OR10A4: variants seen among roughly 807,000 people sequenced by gnomAD.
OR10A4 encodes olfactory receptor 10A4.
In OR10A4, 18 loss-of-function variants were observed where a neutral mutation model predicts 15.4. That is an observed-to-expected ratio of 1.17 (90% CI 0.81 to 1.74). The LOEUF is 1.74. Among genes scored for constraint, OR10A4 ranks in the 40% most tolerant of loss-of-function variants. OR10A4 has a pLI of 0.00. For synonymous variants in OR10A4, 161 were observed against 149.5 expected (o/e 1.08, Z -0.56); for missense variants, 455 against 372.3 (o/e 1.22, Z -1.83).
In OR10A4 at chr11:6,876,805, A is replaced by T; in HGVS notation, c.158A>T (p.Asp53Val). Residue 53 changes from aspartate (D) to valine (V), a missense_variant, in exon 1 of 1, where the codon GAC becomes GTC. By Grantham distance (152) the Asp-to-Val change is radical. Coordinates refer to ENST00000379829, the MANE Select transcript of OR10A4 (RefSeq NM_207186.2). The stretch of plus-strand genomic sequence containing the variant: ...CTCATCATCCTGGTCACTATAGCTG[A>T]CTCTGCACTACAAAGTCCTATGTAC... ...NVLIILVTIA[D>V]SALQSPMYFF... 6.2e-7 allele frequency: 1 copy of T among 1,614,036 alleles called. No individual in the cohort carries two copies. The highest frequency in any genetic ancestry group is 1.1e-5 in the South Asian group (1 of 91,082).
Position 6,877,060 on chromosome 11 carries a change from G to T in OR10A4, c.413G>T (p.Gly138Val). 1.2e-6 allele frequency: 2 copies of T among 1,614,176 alleles called. No homozygotes were observed. Among genetic ancestry groups the T allele is most frequent in the East Asian group, 4.5e-5 (2 of 44,886 alleles). ...CCCTTGCACTACCCAGTCATCATGG[G>T]CCACATATCCTGTGCCCAGCTGGCA... ...CDPLHYPVIMGHISCAQLAAA... is the reference protein window; with the variant it reads ...CDPLHYPVIMVHISCAQLAAA... The change falls in exon 1 of 1, where the codon GGC (glycine) becomes GTC (valine). Residue 138 changes from glycine to valine, a missense_variant. Transcript: ENST00000379829.
chr11:6,877,290 A>T lies in OR10A4; in HGVS notation c.643A>T (p.Ile215Phe). The T allele has an allele frequency of 6.2e-7, 1 of 1,613,988 alleles. No individual in the cohort carries two copies. Among genetic ancestry groups the T allele is most frequent in the Non-Finnish European group, 8.5e-7 (1 of 1,180,008 alleles). ...ATTCATTCTCTTTCCTTTCTTGCTG[A>T]TCCTGGGATCCTATGTCCGCATCCT... ...VLFILFPFLL[I>F]LGSYVRILST... is the part of the protein sequence containing the mutation. Residue 215 changes from isoleucine (I) to phenylalanine (F), a missense_variant, in exon 1 of 1, where the codon ATC becomes TTC. By Grantham distance (21) the Ile-to-Phe change is conservative (BLOSUM62 0). Transcript: ENST00000379829.
rs769277818 is a variant in OR10A4 at position 6,876,868 on chromosome 11, T to C, written c.221T>C (p.Phe74Ser). Reference sequence around the variant, plus strand: ...AACTTGTCCTTCCTGGAGATAGGTTTCAACTTGGTCATTGTGCCCAAGATG... The same window carrying C: ...AACTTGTCCTTCCTGGAGATAGGTTCCAACTTGGTCATTGTGCCCAAGATG... ...LRNLSFLEIG[F>S]NLVIVPKMLG... is the part of the protein sequence containing the mutation. Residue 74 changes from phenylalanine to serine, a missense_variant, in exon 1 of 1, where the codon TTC becomes TCC. By Grantham distance (155) the Phe-to-Ser change is radical. Transcript: ENST00000379829. 1.1e-5 allele frequency: 18 copies of C among 1,614,196 alleles called. No homozygotes were observed. Among genetic ancestry groups the C allele is most frequent in the Non-Finnish European group, 1.5e-5 (18 of 1,180,012 alleles).
In OR10A4 at chr11:6,876,691, TG is replaced by T; in HGVS notation, c.45del (p.Ser16AlafsTer18). 6.2e-7 allele frequency: 1 copy of T among 1,613,086 alleles called. No individual in the cohort carries two copies. The highest frequency in any genetic ancestry group is 8.5e-7 in the Non-Finnish European group (1 of 1,179,276). ...NWTIVSEFVLVSFSALSTELQ... is the reference protein window; with the variant it reads ...NWTIVSEFVLXSFSALSTELQ... The stretch of plus-strand genomic sequence containing the variant: ...ACAATTGTCAGTGAATTTGTTCTCG[TG>T]AGCTTCTCAGCCCTGTCCACTGAGC... On this transcript the variant is annotated frameshift_variant, in exon 1 of 1. Transcript: ENST00000379829. LOFTEE classifies it high-confidence loss of function.
At position 6,877,293 on chromosome 11, in the gene OR10A4, C is replaced by A; in HGVS notation, c.646C>A (p.Leu216Met). 1.2e-6 allele frequency: 2 copies of A among 1,614,178 alleles called. No individual in the cohort carries two copies. Among genetic ancestry groups the A allele is most frequent in the Non-Finnish European group, 1.7e-6 (2 of 1,180,040 alleles). The change falls in exon 1 of 1, where the codon CTG becomes ATG. Residue 216 changes from leucine to methionine, a missense_variant. Physicochemically the swap from Leu to Met is conservative, Grantham distance 15. Coordinates refer to ENST00000379829, the MANE Select transcript of OR10A4 (RefSeq NM_207186.2). ...CATTCTCTTTCCTTTCTTGCTGATC[C>A]TGGGATCCTATGTCCGCATCCTCTC... is the stretch of plus-strand genomic sequence containing the variant. ...LFILFPFLLI[L>M]GSYVRILSTI...
Position 6,876,778 on chromosome 11 carries a change from T to C in OR10A4, c.131T>C (p.Val44Ala), listed in dbSNP as rs143844367. ...TIYLVTLMGNVLIILVTIADS... is the reference protein window; with the variant it reads ...TIYLVTLMGNALIILVTIADS... ...TACTTGGTTACTTTAATGGGCAATG[T>C]CCTCATCATCCTGGTCACTATAGCT... The change falls in exon 1 of 1, where the codon GTC becomes GCC. Residue 44 changes from valine to alanine, a missense_variant. Transcript: ENST00000379829. 6.2e-7 allele frequency: 1 copy of C among 1,613,930 alleles called. No individual in the cohort carries two copies. The highest frequency in any genetic ancestry group is 8.5e-7 in the Non-Finnish European group (1 of 1,179,874).
rs1848498168 is a variant in OR10A4, at chr11:6,877,408, G to C, written c.761G>C (p.Ser254Thr). 1 of 1,613,948 alleles carries C rather than the reference G, an allele frequency of 6.2e-7. No individual in the cohort carries two copies. The highest frequency in any genetic ancestry group is 1.7e-5 in the Admixed American group (1 of 59,984). ...AHLLVVSLFY[S>T]TAILTYFRPQ... Reference sequence around the variant, plus strand: ...CTCTTGGTTGTCTCTCTCTTCTATAGCACTGCCATCCTCACGTATTTCCGA... The same window carrying C: ...CTCTTGGTTGTCTCTCTCTTCTATACCACTGCCATCCTCACGTATTTCCGA... Residue 254 changes from serine to threonine, a missense_variant, in exon 1 of 1, where the codon AGC (serine) becomes ACC (threonine). Ser to Thr is a moderately conservative substitution (Grantham distance 58). Coordinates refer to ENST00000379829, the MANE Select transcript of OR10A4 (RefSeq NM_207186.2).
In OR10A4 at chr11:6,877,066, T is replaced by C; in HGVS notation, c.419T>C (p.Ile140Thr). The C allele has an allele frequency of 6.2e-7, 1 of 1,614,222 alleles. No individual in the cohort carries two copies. The highest frequency in any genetic ancestry group is 8.5e-7 in the Non-Finnish European group (1 of 1,180,032). The part of the protein sequence containing the change: ...PLHYPVIMGH[I>T]SCAQLAAASW... ...CACTACCCAGTCATCATGGGCCACA[T>C]ATCCTGTGCCCAGCTGGCAGCTGCC... is the stretch of plus-strand genomic sequence containing the variant. The change falls in exon 1 of 1, where the codon ATA (isoleucine) becomes ACA (threonine). Residue 140 changes from isoleucine to threonine, a missense_variant. By Grantham distance (89) the Ile-to-Thr change is moderately conservative (BLOSUM62 -1). Coordinates refer to ENST00000379829, the MANE Select transcript of OR10A4 (RefSeq NM_207186.2).
Position 6,877,449 on chromosome 11 carries a change from T to C in OR10A4, c.802T>C (p.Ser268Pro), listed in dbSNP as rs1214642138. ...GTATTTCCGACCCCAATCCAGTGCC[T>C]CTTCTGAGAGCAAGAAGCTGCTGTC... Reference protein sequence around the residue: ...LTYFRPQSSASSESKKLLSLS... With the variant: ...LTYFRPQSSAPSESKKLLSLS... The change falls in exon 1 of 1, where the codon TCT (serine) becomes CCT (proline). Residue 268 changes from serine (S) to proline (P), a missense_variant. Physicochemically the swap from Ser to Pro is moderately conservative, Grantham distance 74. Coordinates refer to ENST00000379829, the MANE Select transcript of OR10A4 (RefSeq NM_207186.2). The C allele has an allele frequency of 6.2e-7, 1 of 1,613,950 alleles. No homozygotes were observed. The highest frequency in any genetic ancestry group is 1.3e-5 in the African/African-American group (1 of 74,886).
At position 6,877,113 on chromosome 11, in the gene OR10A4, G is replaced by C; in HGVS notation, c.466G>C (p.Val156Leu). ...AAASWFSGFS[V>L]ATVQTTWIFS... ...TGCCTCTTGGTTCTCAGGGTTTTCA[G>C]TGGCCACTGTGCAAACCACATGGAT... Residue 156 changes from valine to leucine, a missense_variant, in exon 1 of 1, where the codon GTG becomes CTG. Physicochemically the swap from Val to Leu is conservative, Grantham distance 32. Transcript: ENST00000379829. 6.2e-7 allele frequency: 1 copy of C among 1,614,198 alleles called. No individual in the cohort carries two copies. The highest frequency in any genetic ancestry group is 8.5e-7 in the Non-Finnish European group (1 of 1,180,042).
Position 6,876,802 on chromosome 11 carries a change from C to T in OR10A4, c.155C>T (p.Ala52Val). Residue 52 changes from alanine to valine, a missense_variant, in exon 1 of 1, where the codon GCT (alanine) becomes GTT (valine). By Grantham distance (64) the Ala-to-Val change is moderately conservative. Transcript: ENST00000379829. ...GTCCTCATCATCCTGGTCACTATAG[C>T]TGACTCTGCACTACAAAGTCCTATG... ...GNVLIILVTI[A>V]DSALQSPMYF... is the part of the protein sequence containing the mutation. 6.2e-7 allele frequency: 1 copy of T among 1,614,140 alleles called. No individual in the cohort carries two copies.
chr11:6,877,344 G>A lies in OR10A4; in HGVS notation c.697G>A (p.Glu233Lys). 6.2e-7 allele frequency: 1 copy of A among 1,614,144 alleles called. No homozygotes were observed. Among genetic ancestry groups the A allele is most frequent in the Non-Finnish European group, 8.5e-7 (1 of 1,180,020 alleles). Reference sequence around the variant, plus strand: ...CACTATCTTCAGGATGCCGTCAGCTGAGGGGAAACATCAGGCATTCTCCAC... The same window carrying A: ...CACTATCTTCAGGATGCCGTCAGCTAAGGGGAAACATCAGGCATTCTCCAC... ...LSTIFRMPSAEGKHQAFSTCS... is the reference protein window; with the variant it reads ...LSTIFRMPSAKGKHQAFSTCS... The change falls in exon 1 of 1, where the codon GAG becomes AAG. Residue 233 changes from glutamate to lysine, a missense_variant. By Grantham distance (56) the Glu-to-Lys change is moderately conservative. Transcript: ENST00000379829.
In OR10A4 at chr11:6,877,150, C is replaced by G; in HGVS notation, c.503C>G (p.Pro168Arg). 6.2e-7 allele frequency: 1 copy of G among 1,614,212 alleles called. No individual in the cohort carries two copies. Among genetic ancestry groups the G allele is most frequent in the Non-Finnish European group, 8.5e-7 (1 of 1,180,034 alleles). The change falls in exon 1 of 1, where the codon CCT becomes CGT. Residue 168 changes from proline to arginine, a missense_variant. By Grantham distance (103) the Pro-to-Arg change is moderately radical. Transcript: ENST00000379829. ...CAAACCACATGGATTTTCAGTTTCC[C>G]TTTTTGTGGCCCCAACAGGGTGAAC... ...TVQTTWIFSFPFCGPNRVNHF... is the reference protein window; with the variant it reads ...TVQTTWIFSFRFCGPNRVNHF...
rs750625521 is a variant in OR10A4 at position 6,877,545 on chromosome 11, G to C, written c.898G>C (p.Ala300Pro). The part of the protein sequence containing the change: ...IYSSRNKEVK[A>P]ALKRLIHRTL... ...CAGCTCAAGGAATAAAGAAGTGAAG[G>C]CTGCACTGAAGCGGCTTATCCACAG... is the stretch of plus-strand genomic sequence containing the variant. Residue 300 changes from alanine (A) to proline (P), a missense_variant, in exon 1 of 1, where the codon GCT becomes CCT. Ala to Pro is a conservative substitution (Grantham distance 27). Coordinates refer to ENST00000379829, the MANE Select transcript of OR10A4 (RefSeq NM_207186.2). 4 of 1,614,134 alleles carry C rather than the reference G, an allele frequency of 2.5e-6. No homozygotes were observed. The highest frequency in any genetic ancestry group is 2.2e-5 in the East Asian group (1 of 44,886).
rs1345182567 is a variant in OR10A4 at position 6,876,820 on chromosome 11, G to T, written c.173G>T (p.Ser58Ile). The change falls in exon 1 of 1, where the codon AGT becomes ATT. Residue 58 changes from serine (S) to isoleucine (I), a missense_variant. By Grantham distance (142) the Ser-to-Ile change is moderately radical. Coordinates refer to ENST00000379829, the MANE Select transcript of OR10A4 (RefSeq NM_207186.2). The stretch of plus-strand genomic sequence containing the variant: ...ACTATAGCTGACTCTGCACTACAAA[G>T]TCCTATGTACTTCTTCCTCAGAAAC... The part of the protein sequence containing the change: ...LVTIADSALQ[S>I]PMYFFLRNLS... 1 of 1,614,160 alleles carries T rather than the reference G, an allele frequency of 6.2e-7. No homozygotes were observed. Among genetic ancestry groups the T allele is most frequent in the Non-Finnish European group, 8.5e-7 (1 of 1,180,008 alleles).
In OR10A4 at chr11:6,876,956, T is replaced by C. The variant is rs1181058385; in HGVS notation, c.309T>C (p.Tyr103=). The C allele has an allele frequency of 1.9e-6, 3 of 1,614,158 alleles. No homozygotes were observed. In the East Asian group the frequency reaches 6.7e-5, roughly 36 times the overall value. ...ISFLGCATQM[Y]FFFFFGAAEC... Reference sequence around the variant, plus strand: ...TCCTTGGATGTGCCACTCAGATGTATTTCTTCTTCTTTTTTGGGGCTGCTG... The same window carrying C: ...TCCTTGGATGTGCCACTCAGATGTACTTCTTCTTCTTTTTTGGGGCTGCTG... The change falls in exon 1 of 1, where the codon TAT becomes TAC. Residue 103 remains tyrosine, a synonymous_variant. Transcript: ENST00000379829.
rs1470195076 is a variant in OR10A4 at position 6,877,097 on chromosome 11, G to T, written c.450G>T (p.Trp150Cys). ...GTGCCCAGCTGGCAGCTGCCTCTTG[G>T]TTCTCAGGGTTTTCAGTGGCCACTG... ...ISCAQLAAASWFSGFSVATVQ... is the reference protein window; with the variant it reads ...ISCAQLAAASCFSGFSVATVQ... Residue 150 changes from tryptophan (W) to cysteine (C), a missense_variant, in exon 1 of 1, where the codon TGG becomes TGT. Physicochemically the swap from Trp to Cys is radical, Grantham distance 215 (BLOSUM62 -2). Transcript: ENST00000379829. The T allele has an allele frequency of 6.2e-7, 1 of 1,614,192 alleles. No homozygotes were observed. The highest frequency in any genetic ancestry group is 8.5e-7 in the Non-Finnish European group (1 of 1,180,044).
chr11:6,876,723 G>T lies in OR10A4; in HGVS notation c.76G>T (p.Ala26Ser), dbSNP rs781591862. ...CTCAGCCCTGTCCACTGAGCTTCAG[G>T]CTCTACTGTTTCTCCTTTTCTTGAC... ...SFSALSTELQ[A>S]LLFLLFLTIY... Residue 26 changes from alanine to serine, a missense_variant, in exon 1 of 1, where the codon GCT (alanine) becomes TCT (serine). Physicochemically the swap from Ala to Ser is moderately conservative, Grantham distance 99. Coordinates refer to ENST00000379829, the MANE Select transcript of OR10A4 (RefSeq NM_207186.2). 58 of 1,614,114 alleles carry T rather than the reference G, an allele frequency of 3.6e-5. No homozygotes were observed. The Middle Eastern group carries it at 6.6e-4, about 18-fold the overall frequency.
rs759997808 is a variant in OR10A4, at chr11:6,877,308, C to T, written c.661C>T (p.Arg221Cys). 23 of 1,614,008 alleles carry T rather than the reference C, an allele frequency of 1.4e-5. No homozygotes were observed. The highest frequency in any genetic ancestry group is 8.3e-5 in the Admixed American group (5 of 60,000). ...PFLLILGSYV[R>C]ILSTIFRMPS... ...CTTGCTGATCCTGGGATCCTATGTCCGCATCCTCTCCACTATCTTCAGGAT... is the reference window on the plus strand; with the variant it reads ...CTTGCTGATCCTGGGATCCTATGTCTGCATCCTCTCCACTATCTTCAGGAT... Residue 221 changes from arginine (R) to cysteine (C), a missense_variant, in exon 1 of 1, where the codon CGC (arginine) becomes TGC (cysteine). Arg to Cys is a radical substitution (Grantham distance 180). Transcript: ENST00000379829.
Sources: allele counts gnomAD v4.1 joint callset, GRCh38; gene constraint gnomAD v4.1.1; transcripts MANE v1.5; gene names NCBI Gene and HGNC (gene_info 2026-07-23, HGNC 2026-07-21).